NKAIN3: variants seen among roughly 807,000 people sequenced by gnomAD.
The protein encoded by NKAIN3 is sodium/potassium-transporting ATPase subunit beta-1-interacting protein 3.
NKAIN3 carries 25 observed loss-of-function variants against 30.2 expected under a neutral mutation model. The ratio of observed to expected loss-of-function variants is 0.83; its 90% confidence interval spans 0.60 to 1.16. The LOEUF is 1.16. NKAIN3 is among the 50% of genes most tolerant of loss of function. The probability of loss-of-function intolerance (pLI) is 0.00; values close to 1 mark genes in which losing one functional copy is unlikely to be tolerated. For missense variants in NKAIN3, 225 were observed against 254.1 expected (o/e 0.89, Z 0.78); for synonymous variants, 91 against 89.6 (o/e 1.02, Z -0.09).
chr8:62,920,958 A>C (rs1317600969), intron 5 of NKAIN3, among the ~76,000 whole-genome samples: 1 of 152,326 alleles, frequency 6.6e-6, no homozygotes, highest in African/African-American at 2.4e-5. Context: ...AGGAAACAAA[A>C]GTGCAGATGT....
intron 1 of NKAIN3, among the ~76,000 whole-genome samples, chr8:62,373,728 G>A (rs939074298): frequency 5.3e-5 from 8 of 152,320 alleles, no homozygotes; most frequent in South Asian, 2.1e-4. Flanking sequence ...ATTAATTGCA[G>A]CAGTCCATCA....
chr8:62,316,844 A>T (rs1478683644), intron 1 of NKAIN3, among the ~76,000 whole-genome samples: 6 of 152,072 alleles, frequency 3.9e-5, no homozygotes, highest in Non-Finnish European at 1.5e-5. Flanking sequence ...GATCCTGAGG[A>T]ATCGCCACAC....
At chr8:62,857,069 A>T in intron 4 of NKAIN3, 1 of 471,362 alleles carries the variant, frequency 2.1e-6, no homozygotes, top group Non-Finnish European at 4.2e-6. Context: ...TTGTAATACG[A>T]CTCCCACCTT....
intron 3 of NKAIN3, among the ~76,000 whole-genome samples, chr8:62,625,807 G>A (rs1034346945): frequency 2.0e-5 from 3 of 152,024 alleles, no homozygotes; most frequent in Non-Finnish European, 4.4e-5. Context: ...TTCTTTTTGA[G>A]CCATGACCAC....
At chr8:62,945,066 G>A (rs1823083275) in intron 5 of NKAIN3, among the ~76,000 whole-genome samples, 2 of 152,076 alleles carry the variant, frequency 1.3e-5, no homozygotes, top group Non-Finnish European at 2.9e-5. Context: ...CCAGGTTTGG[G>A]GGCTATAGCA....
At chr8:62,779,776 C>T (rs551502236) in intron 4 of NKAIN3, among the ~76,000 whole-genome samples, 1 of 151,890 alleles carries the variant, frequency 6.6e-6, no homozygotes, top group Non-Finnish European at 1.5e-5. Context: ...TCTCATACCA[C>T]AATGGAACAA....
chr8:62,477,514 A>G (rs542439235), intron 1 of NKAIN3, among the ~76,000 whole-genome samples: 1 of 152,162 alleles, frequency 6.6e-6, no homozygotes, highest in Non-Finnish European at 1.5e-5. Flanking sequence ...CCGGGAAACT[A>G]TTCCCTCACA....
At chr8:62,556,018 ACT>A (rs1460366667) in intron 1 of NKAIN3, among the ~76,000 whole-genome samples, 2 of 151,930 alleles carry the variant, frequency 1.3e-5, no homozygotes, top group Non-Finnish European at 2.9e-5. Flanking sequence ...CCATCAAGAG[ACT>A]CTCATTTAAC....
At chr8:62,369,932 TTA>T (rs1816856589) in intron 1 of NKAIN3, among the ~76,000 whole-genome samples, 2 of 152,010 alleles carry the variant, frequency 1.3e-5, no homozygotes, top group African/African-American at 4.8e-5. Context: ...AAAAAAAGTC[TTA>T]AAGAACTTTG....
intron 1 of NKAIN3, among the ~76,000 whole-genome samples, chr8:62,301,908 A>G (rs1331691027): frequency 6.6e-6 from 1 of 152,096 alleles, no homozygotes; most frequent in Non-Finnish European, 1.5e-5. Flanking sequence ...TAAACGTTCT[A>G]TTTCATCTTG....
At chr8:62,276,995 A>G (rs17817210) in intron 1 of NKAIN3, among the ~76,000 whole-genome samples, 8,580 of 152,222 alleles carry the variant, frequency 0.056, 340 homozygotes, top group Non-Finnish European at 0.092. Context: ...TGAATTCTGT[A>G]AGTTTTTGGC....
At chr8:62,707,913 A>C (rs1198225207) in intron 3 of NKAIN3, among the ~76,000 whole-genome samples, 2 of 152,158 alleles carry the variant, frequency 1.3e-5, no homozygotes, top group Admixed American at 6.6e-5. Context: ...TAAGCTGAGA[A>C]ATGAGGATTC....
At chr8:62,791,095 T>C (rs774334130) in intron 4 of NKAIN3, among the ~76,000 whole-genome samples, 6 of 151,926 alleles carry the variant, frequency 3.9e-5, no homozygotes, top group Non-Finnish European at 5.9e-5. Flanking sequence ...TCCTCAAATC[T>C]CACTTCTGCT....
intron 1 of NKAIN3, among the ~76,000 whole-genome samples, chr8:62,451,307 C>T (rs1017610506): frequency 2.7e-5 from 4 of 146,446 alleles, no homozygotes; most frequent in Non-Finnish European, 4.5e-5. Flanking sequence ...CCGTCCCCTC[C>T]CCTCCCCTCT....
At chr8:62,801,688 T>C (rs1392007301) in intron 4 of NKAIN3, among the ~76,000 whole-genome samples, 1 of 152,110 alleles carries the variant, frequency 6.6e-6, no homozygotes, top group Non-Finnish European at 1.5e-5. Context: ...GCAGAAAAAC[T>C]GGGAACTCTA....
In NKAIN3 at chr8:62,747,123, A is replaced by C; in HGVS notation, c.465A>C (p.Leu155=). 6.3e-7 allele frequency: 1 copy of C among 1,593,312 alleles called. No homozygotes were observed. Among genetic ancestry groups the C allele is most frequent in the Non-Finnish European group, 8.6e-7 (1 of 1,162,550 alleles). The change falls in exon 4 of 7, where the codon CTA becomes CTC. Residue 155 remains leucine, a synonymous_variant. Transcript: ENST00000623646. ...LEVIHSAVQI[L]LSLVGFVYAC... ...TCATCCACAGTGCTGTCCAAATACT[A>C]CTCTCTGTAAGTGTCACTTTTGTGT...
chr8:62,319,865 G>A (rs911754681), intron 1 of NKAIN3, among the ~76,000 whole-genome samples: 5 of 152,266 alleles, frequency 3.3e-5, no homozygotes, highest in East Asian at 3.9e-4. Flanking sequence ...GTGCTGAGCT[G>A]AGTTCAATTC....
intron 1 of NKAIN3, among the ~76,000 whole-genome samples, chr8:62,415,014 G>C (rs1226488374): frequency 1.4e-5 from 2 of 143,042 alleles, no homozygotes; most frequent in Non-Finnish European, 3.0e-5. Context: ...TTACTCTTCT[G>C]TGAATTGGGA....
At position 62,402,947 on chromosome 8, in the gene NKAIN3, G is replaced by A. The variant is rs180874845; in HGVS notation, c.54+153820G>A. ...TTGGGAACTTCCTAGAGACTTGGTG[G>A]GCTCAGAAGACAGGAAGATGTGGGA... is the stretch of plus-strand genomic sequence containing the variant. On this transcript the variant is annotated intron_variant, in intron 1 of 6. Transcript: ENST00000623646. Among the ~76,000 whole-genome samples, 66 of 152,246 alleles carry A rather than the reference G, an allele frequency of 4.3e-4. 1 individual carries two copies. Among genetic ancestry groups the A allele is most frequent in the Non-Finnish European group, 2.1e-4 (14 of 68,018 alleles).
Sources: allele counts gnomAD v4.1 joint callset (sites outside exome capture counted in the v4.1 genomes callset), GRCh38; gene constraint gnomAD v4.1.1; transcripts MANE v1.5; gene names NCBI Gene and HGNC (gene_info 2026-07-23, HGNC 2026-07-21).